The following CSTF3 variants were observed in gnomAD, a reference collection of about 807,000 sequenced individuals.
CSTF3 encodes cleavage stimulation factor subunit 3.
CSTF3 carries 29 observed loss-of-function variants against 105.8 expected under a neutral mutation model. The observed-to-expected ratio is 0.27, with a 90% confidence interval of 0.20 to 0.37. The LOEUF is 0.37. Among genes scored for constraint, CSTF3 ranks in the 10% least tolerant of loss-of-function variants. The pLI is 1.00. For synonymous variants in CSTF3, 252 were observed against 281.9 expected (o/e 0.89, Z 1.06); for missense variants, 357 against 879.3 (o/e 0.41, Z 7.51).
At chr11:33,087,612 A>G (rs1404244180) in intron 17 of CSTF3, among the ~76,000 whole-genome samples, 1 of 152,228 alleles carries the variant, frequency 6.6e-6, no homozygotes, top group Non-Finnish European at 1.5e-5. Context: ...TGCAATGAAA[A>G]ATTATTTCCA....
In CSTF3 at chr11:33,099,685, G is replaced by A. The variant is rs1040714477; in HGVS notation, c.859C>T (p.Leu287=). The A allele has an allele frequency of 1.2e-6, 2 of 1,609,924 alleles. No homozygotes were observed. Among genetic ancestry groups the A allele is most frequent in the South Asian group, 2.2e-5 (2 of 90,088 alleles). Reference sequence around the variant, plus strand: ...TACCAAATATCAGGGTGATGGCCCAGCACAAGCAGGCACTGTTCATAAGCA... The same window carrying A: ...TACCAAATATCAGGGTGATGGCCCAACACAAGCAGGCACTGTTCATAAGCA... ...MFAYEQCLLV[L]GHHPDIWYEA... The change falls in exon 11 of 21, where the codon CTG becomes TTG. Residue 287 remains leucine, a synonymous_variant. Coordinates refer to ENST00000323959, the MANE Select transcript of CSTF3 (RefSeq NM_001326.3). This position sits in a 1 kb window ranked among gnomAD's most constrained non-coding sequence, Gnocchi z 4.1.
chr11:33,145,827 A>T (rs188208560), intron 1 of CSTF3, among the ~76,000 whole-genome samples: 1 of 152,146 alleles, frequency 6.6e-6, no homozygotes, highest in Non-Finnish European at 1.5e-5. Context: ...AACAAACAAA[A>T]AAAAGAAATG....
chr11:33,118,870 C>T (rs1163251497), intron 3 of CSTF3, among the ~76,000 whole-genome samples: 1 of 151,694 alleles, frequency 6.6e-6, no homozygotes, highest in East Asian at 1.9e-4. Flanking sequence ...AACTTATAGT[C>T]TTTTCTACCT....
intron 3 of CSTF3, among the ~76,000 whole-genome samples, chr11:33,134,079 CG>C (rs1285321166): frequency 6.6e-6 from 1 of 151,704 alleles, no homozygotes; most frequent in Non-Finnish European, 1.5e-5. Context: ...TCCTATAGTT[CG>C]GAAAAAAAAG....
At chr11:33,152,999 T>G (rs2133807914) in intron 1 of CSTF3, among the ~76,000 whole-genome samples, 1 of 152,106 alleles carries the variant, frequency 6.6e-6, no homozygotes, top group East Asian at 1.9e-4. Context: ...CCAGAGGGAT[T>G]CTATCATTAC....
chr11:33,135,171 A>C (rs1855639765), intron 3 of CSTF3, among the ~76,000 whole-genome samples: 1 of 152,170 alleles, frequency 6.6e-6, no homozygotes, highest in Admixed American at 6.6e-5. Context: ...AAACCCAGGA[A>C]TAAATTCAGT....
At chr11:33,111,808 C>T (rs1162071127) in intron 3 of CSTF3, among the ~76,000 whole-genome samples, 1 of 152,200 alleles carries the variant, frequency 6.6e-6, no homozygotes, top group Non-Finnish European at 1.5e-5. Context: ...GAAAAATTCT[C>T]TGATCTCTAG....
chr11:33,092,398 T>C, intron 15 of CSTF3, 58 bp from the exon 16 acceptor site: 2 of 1,117,660 alleles, frequency 1.8e-6, no homozygotes, highest in Non-Finnish European at 2.6e-6. Context: ...GCAACAATAT[T>C]TTCATATGCA....
chr11:33,120,768 T>A (rs1415548184), intron 3 of CSTF3, among the ~76,000 whole-genome samples: 1 of 151,990 alleles, frequency 6.6e-6, no homozygotes. Flanking sequence ...CAGTTACTAT[T>A]CACATATTCA....
At chr11:33,101,960 G>T (rs1855285522) in intron 10 of CSTF3, among the ~76,000 whole-genome samples, 1 of 152,030 alleles carries the variant, frequency 6.6e-6, no homozygotes, top group South Asian at 2.1e-4. Flanking sequence ...GAAAAATATA[G>T]TATCTGAAAT....
chr11:33,159,334 G>A (rs1188009607), intron 1 of CSTF3, among the ~76,000 whole-genome samples: 1 of 151,926 alleles, frequency 6.6e-6, no homozygotes, highest in East Asian at 1.9e-4. Flanking sequence ...GGTGGCTCAC[G>A]CCTGTAAATC....
At chr11:33,088,097 C>G (rs929375046) in intron 17 of CSTF3, among the ~76,000 whole-genome samples, 1 of 152,184 alleles carries the variant, frequency 6.6e-6, no homozygotes, top group East Asian at 1.9e-4. Flanking sequence ...ATTATATAAG[C>G]AAATCTAAAT....
At chr11:33,134,655 T>C (rs994706535) in intron 3 of CSTF3, among the ~76,000 whole-genome samples, 2 of 144,670 alleles carry the variant, frequency 1.4e-5, no homozygotes, top group African/African-American at 4.9e-5. Context: ...GAAAAGACCA[T>C]TCTAAAATTA....
chr11:33,092,481 G>C (rs1384712809), intron 15 of CSTF3, 141 bp from the exon 16 acceptor site: 1 of 524,954 alleles, frequency 1.9e-6, no homozygotes, highest in Non-Finnish European at 3.2e-6. Context: ...TTTTATAGAT[G>C]AGGAAACTTG....
intron 1 of CSTF3, among the ~76,000 whole-genome samples, chr11:33,159,712 A>T (rs565180660): frequency 6.6e-6 from 1 of 151,892 alleles, no homozygotes; most frequent in East Asian, 1.9e-4. Flanking sequence ...GGTCGAAGCT[A>T]TGGTGAGCTG....
chr11:33,105,713 G>C lies in CSTF3; in HGVS notation c.459-20C>G. 1 of 1,611,408 alleles carries C rather than the reference G, an allele frequency of 6.2e-7. No individual in the cohort carries two copies. Among genetic ancestry groups the C allele is most frequent in the Non-Finnish European group, 8.5e-7 (1 of 1,178,090 alleles). ...GCTTCCCTGAGATTGGATAAGAAAT[G>C]CCATCAATTATATTATAACCAAATC... is the stretch of plus-strand genomic sequence containing the variant. On this transcript the variant is annotated intron_variant, in intron 7 of 20. Transcript: ENST00000323959.
chr11:33,157,817 C>T (rs902108068), intron 1 of CSTF3, among the ~76,000 whole-genome samples: 3 of 152,190 alleles, frequency 2.0e-5, no homozygotes, highest in African/African-American at 4.8e-5. Flanking sequence ...TCCACCCCAT[C>T]CCTTGGCATT....
At chr11:33,088,246 ACAT>A (rs766476294) in intron 17 of CSTF3, among the ~76,000 whole-genome samples, 28 of 152,228 alleles carry the variant, frequency 1.8e-4, no homozygotes, top group Non-Finnish European at 3.8e-4. Context: ...AAGATGGAAA[ACAT>A]CATATTCAGG....
chr11:33,102,790 A>T (rs1220757177), intron 9 of CSTF3, among the ~76,000 whole-genome samples: 1 of 152,248 alleles, frequency 6.6e-6, no homozygotes, highest in Admixed American at 6.5e-5. Flanking sequence ...TAGACCACAG[A>T]GTAATACAAT....
Sources: allele counts gnomAD v4.1 joint callset (sites outside exome capture counted in the v4.1 genomes callset), GRCh38; gene constraint gnomAD v4.1.1; non-coding constraint Gnocchi (gnomAD v3.1); transcripts MANE v1.5; gene names NCBI Gene and HGNC (gene_info 2026-07-23, HGNC 2026-07-21).